Variants in CREB1 observed in about 807,000 individuals in gnomAD.
CREB1 encodes cyclic AMP-responsive element-binding protein 1.
A neutral mutation model predicts 42.0 loss-of-function variants in CREB1; 2 were observed. That is an observed-to-expected ratio of 0.05 (90% confidence interval 0.02 to 0.15). The LOEUF is 0.15. Among genes scored for constraint, CREB1 ranks in the 10% least tolerant of loss-of-function variants. The pLI is 1.00. For synonymous variants in CREB1, 123 were observed against 139.9 expected, an observed-to-expected ratio of 0.88 and a Z score of 0.85; for missense variants, 199 against 388.9, an observed-to-expected ratio of 0.51 and a Z score of 4.11.
intron 2 of CREB1, 68 bp from the exon 3 acceptor site, chr2:207,560,158 C>T: frequency 7.2e-7 from 1 of 1,379,592 alleles, no homozygotes; most frequent in East Asian, 2.4e-5. Context: ...AAAGTTATTT[C>T]ATATTGAACA....
chr2:207,551,585 G>T (rs1018132982), intron 1 of CREB1, among the ~76,000 whole-genome samples: 4 of 152,082 alleles, frequency 2.6e-5, no homozygotes, highest in Non-Finnish European at 5.9e-5. Flanking sequence ...ATCTCTATTT[G>T]CCTAGGATCA....
chr2:207,549,376 G>A (rs1367827422), intron 1 of CREB1, among the ~76,000 whole-genome samples: 3 of 151,788 alleles, frequency 2.0e-5, no homozygotes, highest in Non-Finnish European at 4.4e-5. Flanking sequence ...CTGCCAGGTT[G>A]GACATATGGT....
chr2:207,599,224 T>C lies in CREB1; in HGVS notation c.*2166T>C, dbSNP rs763722232. 1.5e-5 allele frequency: 3 copies of C among 200,146 alleles called. No homozygotes were observed. The highest frequency in any genetic ancestry group is 1.9e-4 in the South Asian group (1 of 5,236). 12.4% of individuals were successfully genotyped at this position (200,146 alleles called of 1,614,324 possible). A position where few individuals can be genotyped will look rare whatever the true frequency, so the allele number is the denominator to read the frequency against. Reference sequence around the variant, plus strand: ...CCTGCTGAGCTAATGGGGAAAGTTATAGCATAAAAATTGTGTAACCGCATA... The same window carrying C: ...CCTGCTGAGCTAATGGGGAAAGTTACAGCATAAAAATTGTGTAACCGCATA... On this transcript the variant is annotated 3_prime_UTR_variant, in exon 8 of 8. Coordinates refer to ENST00000353267, the MANE Select transcript of CREB1 (RefSeq NM_004379.5).
intron 1 of CREB1, among the ~76,000 whole-genome samples, chr2:207,546,002 T>G (rs964246639): frequency 5.9e-5 from 9 of 152,228 alleles, no homozygotes; most frequent in African/African-American, 2.2e-4. Flanking sequence ...CCCAAAGTCT[T>G]GGGATTACAG....
intron 1 of CREB1, among the ~76,000 whole-genome samples, chr2:207,538,525 C>G (rs537468389): frequency 1.6e-4 from 25 of 151,814 alleles, no homozygotes; most frequent in Non-Finnish European, 2.4e-4. Context: ...TGAAAAACAC[C>G]CTTTCAGTTT....
chr2:207,592,070 T>G (rs538041360), intron 7 of CREB1, among the ~76,000 whole-genome samples: 80 of 152,320 alleles, frequency 5.3e-4, no homozygotes, highest in Middle Eastern at 6.8e-3. Context: ...TTGAAAAAGT[T>G]TATTTCATCA....
At chr2:207,573,070 C>A (rs1054976322) in intron 5 of CREB1, among the ~76,000 whole-genome samples, 2 of 152,188 alleles carry the variant, frequency 1.3e-5, no homozygotes, top group African/African-American at 4.8e-5. Context: ...AAAACTATGA[C>A]TCATGATGTT....
At chr2:207,545,542 A>G (rs538716117) in intron 1 of CREB1, among the ~76,000 whole-genome samples, 83 of 152,130 alleles carry the variant, frequency 5.5e-4, no homozygotes, top group Admixed American at 1.0e-3. Flanking sequence ...GTTTTATGCT[A>G]TAGTCCCATA....
chr2:207,584,055 C>T (rs1217943651), intron 7 of CREB1, among the ~76,000 whole-genome samples: 1 of 152,126 alleles, frequency 6.6e-6, no homozygotes, highest in African/African-American at 2.4e-5. Flanking sequence ...ATATACTGTG[C>T]TTTGTTTATT....
intron 7 of CREB1, chr2:207,581,923 C>T (rs2083011267): frequency 1.4e-6 from 1 of 702,852 alleles, no homozygotes; most frequent in Non-Finnish European, 2.6e-6. Flanking sequence ...GAATATCCCT[C>T]AGTTTGCATT....
At chr2:207,563,984 A>G (rs1409660680) in intron 3 of CREB1, among the ~76,000 whole-genome samples, 2 of 152,176 alleles carry the variant, frequency 1.3e-5, no homozygotes, top group Non-Finnish European at 2.9e-5. Context: ...GAAGCATATT[A>G]TGTCATTCTC....
At position 207,593,822 on chromosome 2, in the gene CREB1, G is replaced by A. The variant is rs536086859; in HGVS notation, c.840-3092G>A. Among the ~76,000 whole-genome samples the A allele has an allele frequency of 5.7e-4, 86 of 150,662 alleles. 1 individual carries two copies. Among genetic ancestry groups the A allele is most frequent in the African/African-American group, 2.0e-3 (82 of 40,996 alleles). On this transcript the variant is annotated intron_variant, in intron 7 of 7. Coordinates refer to ENST00000353267, the MANE Select transcript of CREB1 (RefSeq NM_004379.5). ...CAATCTCTGCCTCCTGGGTTCAAGC[G>A]ATTTTCCTACCTCAGCCTCCCAAGT...
intron 7 of CREB1, among the ~76,000 whole-genome samples, chr2:207,587,899 T>C (rs1282091470): frequency 1.3e-5 from 2 of 152,186 alleles, no homozygotes; most frequent in African/African-American, 4.8e-5. Context: ...AGGGTGAATA[T>C]GGTTAAATAC....
Position 207,604,743 on chromosome 2 carries a change from C to T in CREB1, c.*7685C>T, listed in dbSNP as rs1388295917. 2.0e-5 allele frequency among the ~76,000 whole-genome samples: 3 copies of T among 152,268 alleles called. No homozygotes were observed. Among genetic ancestry groups the T allele is most frequent in the East Asian group, 1.9e-4 (1 of 5,182 alleles). ...AAAGTCCCGTTACTCTCCATTTTCT[C>T]CTCCCACCGCCCTTGTCCCTGGCAA... On this transcript the variant is annotated 3_prime_UTR_variant, in exon 8 of 8. Transcript: ENST00000353267.
At chr2:207,554,234 C>T (rs1242673205) in intron 1 of CREB1, among the ~76,000 whole-genome samples, 2 of 152,094 alleles carry the variant, frequency 1.3e-5, no homozygotes, top group South Asian at 2.1e-4. Context: ...GAGTTATTTT[C>T]ATTTCCATTT....
intron 3 of CREB1, among the ~76,000 whole-genome samples, chr2:207,561,714 T>C (rs1287098560): frequency 6.6e-6 from 1 of 152,204 alleles, no homozygotes. Context: ...GGTTGTTTTC[T>C]TCTGGGTGAG....
chr2:207,592,914 A>AAAAGAAAAAAAAAAAG (rs1483146047), intron 7 of CREB1, among the ~76,000 whole-genome samples: 3 of 152,118 alleles, frequency 2.0e-5, no homozygotes, highest in Non-Finnish European at 2.9e-5. Flanking sequence ...TCCATCTCAA[A>AAAAGAAAAAAAAAAAG]AAAGAAAAGA....
chr2:207,543,765 G>A (rs531548872), intron 1 of CREB1, among the ~76,000 whole-genome samples: 2 of 152,054 alleles, frequency 1.3e-5, no homozygotes, highest in East Asian at 3.9e-4. Flanking sequence ...ACCACACCCA[G>A]CTAATTTTTT....
chr2:207,539,346 T>C (rs1312559541), intron 1 of CREB1, among the ~76,000 whole-genome samples: 1 of 151,886 alleles, frequency 6.6e-6, no homozygotes, highest in Non-Finnish European at 1.5e-5. Flanking sequence ...CCCAGCCCTA[T>C]TTGTACTCTT....
Sources: gnomAD v4.1 joint callset for allele counts (sites outside exome capture counted in the v4.1 genomes callset) on GRCh38, gnomAD v4.1.1 for gene constraint, MANE v1.5 for transcripts, NCBI Gene and HGNC (gene_info 2026-07-23, HGNC 2026-07-21) for gene names.